The following LVRN variants were observed in gnomAD, a reference collection of about 807,000 sequenced individuals.
LVRN encodes the protein aminopeptidase Q.
A neutral mutation model predicts 111.4 loss-of-function variants in LVRN; 99 were observed. That is an observed-to-expected ratio of 0.89 (90% confidence interval 0.76 to 1.05). LVRN has a LOEUF of 1.05. Among genes scored for constraint, LVRN ranks in the 50% least tolerant of loss-of-function variants. LVRN has a pLI of 0.00. For missense variants in LVRN, 1,414 were observed against 1,206.8 expected (o/e 1.17, Z -2.54); for synonymous variants, 488 against 449.5 (o/e 1.09, Z -1.08).
chr5:115,990,288 T>C (rs1034563947), intron 4 of LVRN, among the ~76,000 whole-genome samples: 4 of 152,232 alleles, frequency 2.6e-5, no homozygotes, highest in Admixed American at 1.3e-4. Flanking sequence ...CCTATGCCTA[T>C]ACCAATATTA....
chr5:116,011,515 T>A (rs535818446), intron 14 of LVRN, among the ~76,000 whole-genome samples: 7 of 152,292 alleles, frequency 4.6e-5, no homozygotes, highest in African/African-American at 1.7e-4. Context: ...AAGCGAAAGT[T>A]AGGTAGCCCT....
At chr5:116,012,654 A>G (rs1289243745) in intron 15 of LVRN, among the ~76,000 whole-genome samples, 186 bp downstream of exon 15, 2 of 152,190 alleles carry the variant, frequency 1.3e-5, no homozygotes, top group African/African-American at 2.4e-5. Context: ...ATCGTTTGAG[A>G]TCTTAATTTA....
chr5:116,012,490 A>G (rs1748512478), intron 15 of LVRN, 22 bp downstream of exon 15: 1 of 1,384,896 alleles, frequency 7.2e-7, no homozygotes, highest in East Asian at 2.4e-5. Context: ...TTCAGAAGTG[A>G]TAATTGAATA....
At chr5:116,003,051 A>G in intron 11 of LVRN, 140 bp downstream of exon 11, 2 of 929,924 alleles carry the variant, frequency 2.2e-6, no homozygotes, top group Non-Finnish European at 3.2e-6. Context: ...AGTTTTAAAG[A>G]AAAGTGTCAA....
In LVRN at chr5:116,001,073, G is replaced by C; in HGVS notation, c.1654G>C (p.Asp552His). 1 of 1,601,660 alleles carries C rather than the reference G, an allele frequency of 6.2e-7. No homozygotes were observed. Among genetic ancestry groups the C allele is most frequent in the Non-Finnish European group, 8.5e-7 (1 of 1,176,706 alleles). The stretch of plus-strand genomic sequence containing the variant: ...TGGTGATTTTTTAAAACAGGCCATA[G>C]ATGACCAGAGTACAGTTATTTTGCC... The part of the protein sequence containing the change: ...DLWRHFQMAI[D>H]DQSTVILPAT... The change falls in exon 10 of 20, where the codon GAT becomes CAT. Residue 552 changes from aspartate (D) to histidine (H), a missense_variant. By Grantham distance (81) the Asp-to-His change is moderately conservative (BLOSUM62 -1). Coordinates refer to ENST00000357872, the MANE Select transcript of LVRN (RefSeq NM_173800.5).
At chr5:115,976,633 A>G (rs1432047752) in intron 1 of LVRN, among the ~76,000 whole-genome samples, 3 of 152,044 alleles carry the variant, frequency 2.0e-5, no homozygotes, top group Admixed American at 2.0e-4. Context: ...TGTTGTTTTT[A>G]TCTTTTTTTT....
At chr5:115,971,955 A>G (rs1753336430) in intron 1 of LVRN, among the ~76,000 whole-genome samples, 1 of 52,898 alleles carries the variant, frequency 1.9e-5, no homozygotes, top group Non-Finnish European at 5.0e-5. Flanking sequence ...ACCCATAAAC[A>G]TGGTATATAT....
At chr5:116,001,563 C>A (rs1748240822) in intron 10 of LVRN, among the ~76,000 whole-genome samples, 1 of 152,082 alleles carries the variant, frequency 6.6e-6, no homozygotes. Context: ...TAAGACAGAG[C>A]CATAGATTGC....
At chr5:116,011,019 A>ATCTTTTCTTCTTTGTTTGT in intron 14 of LVRN, 125 bp downstream of exon 14, 1 of 321,646 alleles carries the variant, frequency 3.1e-6, no homozygotes, top group Non-Finnish European at 5.2e-6. Context: ...ATATATATAT[A>ATCTTTTCTTCTTTGTTTGT]TATATATGGA....
intron 1 of LVRN, among the ~76,000 whole-genome samples, chr5:115,978,220 CCAGACACATGATG>C (rs1351880877): frequency 2.0e-5 from 3 of 152,104 alleles, no homozygotes; most frequent in African/African-American, 7.2e-5. Context: ...AACTTAAGTG[CCAGACACATGATG>C]CTGGTGTCAC....
chr5:116,006,220 C>T (rs1580394551), intron 13 of LVRN, among the ~76,000 whole-genome samples: 1 of 151,996 alleles, frequency 6.6e-6, no homozygotes, highest in East Asian at 1.9e-4. Flanking sequence ...GCAATCTTGC[C>T]TGTATTTTAA....
intron 6 of LVRN, among the ~76,000 whole-genome samples, chr5:115,997,726 A>G (rs1748147090): frequency 6.6e-6 from 1 of 152,170 alleles, no homozygotes; most frequent in Non-Finnish European, 1.5e-5. Context: ...GGACAAAGTA[A>G]TGGTGAATAT....
At chr5:116,017,612 A>G (rs1748628634) in intron 18 of LVRN, among the ~76,000 whole-genome samples, 1 of 152,244 alleles carries the variant, frequency 6.6e-6, no homozygotes, top group South Asian at 2.1e-4. Context: ...AATAGAATCT[A>G]GAATCAGATC....
At position 116,003,343 on chromosome 5, in the gene LVRN, G is replaced by A. The variant is rs145630390; in HGVS notation, c.2000G>A (p.Trp667Ter). Residue 667 changes from tryptophan (W) to a stop codon, truncating the protein, a stop_gained, in exon 12 of 20, where the codon TGG (tryptophan) becomes TAG (stop). Coordinates refer to ENST00000357872, the MANE Select transcript of LVRN (RefSeq NM_173800.5). LOFTEE classifies it high-confidence loss of function. ...YYRVNYDKLGWKKLNQQLEKD... is the reference protein window; with the variant it reads ...YYRVNYDKLG Reference sequence around the variant, plus strand: ...AGAGTTAATTATGATAAATTAGGTTGGAAGAAACTAAATCAACAACTTGAA... The same window carrying A: ...AGAGTTAATTATGATAAATTAGGTTAGAAGAAACTAAATCAACAACTTGAA... The A allele has an allele frequency of 6.0e-6, 9 of 1,502,264 alleles. No individual in the cohort carries two copies. In the Admixed American group the frequency reaches 1.3e-4, roughly 21 times the overall value. 93.1% of individuals were successfully genotyped at this position (1,502,264 alleles called of 1,614,324 possible). A position where few individuals can be genotyped will look rare whatever the true frequency, so the allele number is the denominator to read the frequency against.
rs150142397 is a variant in LVRN, at chr5:115,978,132, G to A, written c.696-5155G>A. 5.0e-3 allele frequency among the ~76,000 whole-genome samples: 756 copies of A among 152,300 alleles called. 6 individuals carry two copies. Among genetic ancestry groups the A allele is most frequent in the Non-Finnish European group, 8.7e-3 (590 of 68,008 alleles). On this transcript the variant is annotated intron_variant, in intron 1 of 19. Coordinates refer to ENST00000357872, the MANE Select transcript of LVRN (RefSeq NM_173800.5). ...TTTATGCTAGGAAATCTGGCATGGT[G>A]ATTAGGGTATGACACACAAGAGAGA...
chr5:115,983,222 A>T, intron 1 of LVRN, 65 bp from the exon 2 acceptor site: 2 of 1,456,754 alleles, frequency 1.4e-6, no homozygotes, highest in Non-Finnish European at 1.8e-6. Flanking sequence ...ATCATCTCTC[A>T]ATGTTTTTTT....
chr5:115,970,999 G>A (rs1246040333), intron 1 of LVRN, among the ~76,000 whole-genome samples: 1 of 152,166 alleles, frequency 6.6e-6, no homozygotes, highest in South Asian at 2.1e-4. Flanking sequence ...AATTCTAGTT[G>A]TTCCAAATCC....
intron 3 of LVRN, 32 bp downstream of exon 3, chr5:115,984,741 A>T: frequency 1.2e-6 from 2 of 1,611,538 alleles, no homozygotes; most frequent in South Asian, 1.1e-5. Flanking sequence ...GGTAAGGGAG[A>T]TTGTACTGGC....
rs1561557801 is a variant in LVRN, at chr5:115,984,586, A to G, written c.855A>G (p.Glu285=). ...NMPKLGQSEK[E]DVNGSKWTVT... ...ATTCTCTAGGTCAGTCTGAAAAAGAAGATGTGAATGGAAGCAAATGGACTG... is the reference window on the plus strand; with the variant it reads ...ATTCTCTAGGTCAGTCTGAAAAAGAGGATGTGAATGGAAGCAAATGGACTG... Residue 285 remains glutamate, a synonymous_variant, in exon 3 of 20, where the codon GAA becomes GAG. Transcript: ENST00000357872. The G allele has an allele frequency of 6.2e-7, 1 of 1,613,492 alleles. No individual in the cohort carries two copies. The highest frequency in any genetic ancestry group is 1.1e-5 in the South Asian group (1 of 91,046).
Sources: allele counts gnomAD v4.1 joint callset (sites outside exome capture counted in the v4.1 genomes callset), GRCh38; gene constraint gnomAD v4.1.1; transcripts MANE v1.5; gene names NCBI Gene and HGNC (gene_info 2026-07-23, HGNC 2026-07-21).